Variants in PSEN1 observed in about 807,000 individuals in gnomAD.
The protein encoded by PSEN1 is presenilin 1.
PSEN1 carries 15 observed loss-of-function variants against 53.5 expected under a neutral mutation model. The ratio of observed to expected loss-of-function variants is 0.28; its 90% CI spans 0.19 to 0.43. The LOEUF (loss-of-function observed/expected upper bound fraction) is 0.43, where lower values mean the gene tolerates loss of function less well. PSEN1 is among the 20% of genes least tolerant of loss of function. The pLI, the probability that PSEN1 is intolerant of heterozygous loss-of-function variation, is 1.00. For synonymous variants in PSEN1, 208 were observed against 209.8 expected (o/e 0.99, Z 0.08); for missense variants, 387 against 571.2 (o/e 0.68, Z 3.29).
chr14:73,166,049 AAATAAT>A (rs34006824), intron 3 of PSEN1, among the ~76,000 whole-genome samples: 20 of 149,220 alleles, frequency 1.3e-4, no homozygotes, highest in African/African-American at 2.9e-4. Context: ...TCTGTCTCCA[AAATAAT>A]AATAATAATA....
rs1187741177 is a variant in PSEN1 at position 73,156,781 on chromosome 14, GCCT to G, written c.87+8678_87+8680del. Among the ~76,000 whole-genome samples the G allele has an allele frequency of 6.6e-5, 10 of 151,952 alleles. No homozygotes were observed. The East Asian group carries it at 1.9e-3, about 30-fold the overall frequency. ...AGGTTCACGCCATTCTCCTGCCTCAGCCTCCAGAGTAGCTGCGACTACAGGCGT... is the reference window on the plus strand; with the variant it reads ...AGGTTCACGCCATTCTCCTGCCTCAGCCAGAGTAGCTGCGACTACAGGCGT... On this transcript the variant is annotated intron_variant, in intron 3 of 11. Transcript: ENST00000324501.
intron 3 of PSEN1, among the ~76,000 whole-genome samples, chr14:73,151,631 C>T (rs1399022593): frequency 9.2e-5 from 14 of 152,012 alleles, no homozygotes; most frequent in Admixed American, 8.5e-4. Flanking sequence ...TCTAAACTCA[C>T]TGCAACCTCG....
chr14:73,141,635 A>G (rs1384690627), intron 1 of PSEN1, among the ~76,000 whole-genome samples: 2 of 152,078 alleles, frequency 1.3e-5, no homozygotes, highest in African/African-American at 2.4e-5. Flanking sequence ...AAATACAAAA[A>G]TTAGCTGGGC....
chr14:73,179,344 T>C (rs1898135838), intron 5 of PSEN1, among the ~76,000 whole-genome samples: 1 of 152,078 alleles, frequency 6.6e-6, no homozygotes, highest in African/African-American at 2.4e-5. Context: ...ATGCCGGGTG[T>C]GGTGGCTCAC....
At chr14:73,161,921 G>A (rs1897551647) in intron 3 of PSEN1, among the ~76,000 whole-genome samples, 6 of 150,720 alleles carry the variant, frequency 4.0e-5, no homozygotes, top group Non-Finnish European at 8.8e-5. Context: ...TTGGGAGGCT[G>A]AGGCGGGCGG....
intron 7 of PSEN1, among the ~76,000 whole-genome samples, chr14:73,195,917 A>T (rs1898921487): frequency 6.6e-6 from 1 of 152,216 alleles, no homozygotes; most frequent in Non-Finnish European, 1.5e-5. Flanking sequence ...TTATTTGCCT[A>T]AGCCTAAACT....
intron 11 of PSEN1, among the ~76,000 whole-genome samples, chr14:73,218,028 T>C (rs1055086572): frequency 6.6e-6 from 1 of 151,404 alleles, no homozygotes; most frequent in African/African-American, 2.4e-5. Context: ...CCTCAAGTGA[T>C]GTGCCTGCCT....
intron 7 of PSEN1, among the ~76,000 whole-genome samples, chr14:73,197,315 G>A (rs946325573): frequency 9.9e-5 from 15 of 152,180 alleles, no homozygotes; most frequent in African/African-American, 2.9e-4. Context: ...GGAATAACAG[G>A]CATGTTGTTT....
chr14:73,157,674 C>A (rs540119262), intron 3 of PSEN1, among the ~76,000 whole-genome samples: 1 of 151,982 alleles, frequency 6.6e-6, no homozygotes, highest in Non-Finnish European at 1.5e-5. Flanking sequence ...TGTCACCGCG[C>A]GCAGCCATTT....
At chr14:73,175,196 G>T (rs1387907389) in intron 5 of PSEN1, among the ~76,000 whole-genome samples, 1 of 152,040 alleles carries the variant, frequency 6.6e-6, no homozygotes, top group East Asian at 1.9e-4. Context: ...GCGCGATCTT[G>T]GCTCACTGCA....
chr14:73,196,745 AATT>A (rs1898962822), intron 7 of PSEN1, among the ~76,000 whole-genome samples: 1 of 151,882 alleles, frequency 6.6e-6, no homozygotes, highest in South Asian at 2.1e-4. Flanking sequence ...AAAGTGCTGG[AATT>A]ACAAGCATAA....
At chr14:73,197,160 C>A (rs1013583279) in intron 7 of PSEN1, among the ~76,000 whole-genome samples, 1 of 152,078 alleles carries the variant, frequency 6.6e-6, no homozygotes, top group Non-Finnish European at 1.5e-5. Flanking sequence ...GTCTTGATCT[C>A]CTGACCTTGT....
intron 3 of PSEN1, among the ~76,000 whole-genome samples, chr14:73,154,206 T>C (rs1331876091): frequency 1.3e-5 from 2 of 152,172 alleles, no homozygotes; most frequent in Non-Finnish European, 2.9e-5. Flanking sequence ...CCTGTGTGTA[T>C]ATATTGAAAA....
Position 73,192,913 on chromosome 14 carries a change from A to C in PSEN1, c.769+49A>C, listed in dbSNP as rs769318960. On this transcript the variant is annotated intron_variant, in intron 7 of 11. Coordinates refer to ENST00000324501, the MANE Select transcript of PSEN1 (RefSeq NM_000021.4). ...GTTTGTCACAGGAATGCCCCACTGG[A>C]GTGTTTTCTTTCCTCATCTCTTTAT... 1.9e-5 allele frequency: 27 copies of C among 1,408,394 alleles called. No homozygotes were observed. The East Asian group carries it at 4.6e-4, about 24-fold the overall frequency. The allele number at this position is 1,408,394 out of a possible 1,614,324, so 87.2% of individuals were successfully genotyped here.
chr14:73,216,758 C>CAAA (rs58497887), intron 10 of PSEN1, among the ~76,000 whole-genome samples: 3 of 130,674 alleles, frequency 2.3e-5, no homozygotes, highest in African/African-American at 8.4e-5. Flanking sequence ...AACTCCATCT[C>CAAA]AAAAAAAAAA....
chr14:73,219,239 C>G lies in PSEN1; in HGVS notation c.1354C>G (p.Leu452Val), dbSNP rs1372132329. The G allele has an allele frequency of 6.2e-7, 1 of 1,613,668 alleles. No homozygotes were observed. Among genetic ancestry groups the G allele is most frequent in the African/African-American group, 1.3e-5 (1 of 74,936 alleles). The change falls in exon 12 of 12, where the codon CTT becomes GTT. Residue 452 changes from leucine (L) to valine (V), a missense_variant. Around this residue, in one of 4 missense-constraint regions of PSEN1, gnomAD observed 44 missense variants for 106.3 expected, o/e 0.41. Transcript: ENST00000324501. Reference protein sequence around the residue: ...GLVFYFATDYLVQPFMDQLAF... With the variant: ...GLVFYFATDYVVQPFMDQLAF... ...TGTTTTCTACTTTGCCACAGATTAT[C>G]TTGTACAGCCTTTTATGGACCAATT...
At chr14:73,174,126 C>T (rs1222983912) in intron 5 of PSEN1, 1 of 216,736 alleles carries the variant, frequency 4.6e-6, no homozygotes, top group Admixed American at 5.4e-5. Context: ...GATTTCAATG[C>T]CTTTTTAGGC....
chr14:73,199,898 A>C (rs1899109030), intron 8 of PSEN1, among the ~76,000 whole-genome samples: 1 of 152,148 alleles, frequency 6.6e-6, no homozygotes, highest in South Asian at 2.1e-4. Flanking sequence ...GGCGTGTGCC[A>C]CCACACCCAG....
chr14:73,211,627 A>G (rs1899683649), intron 9 of PSEN1, 142 bp from the exon 10 acceptor site: 3 of 813,134 alleles, frequency 3.7e-6, no homozygotes, highest in South Asian at 1.6e-5. Flanking sequence ...ATAAACTACC[A>G]GCAGGCACTG....
Sources: allele counts gnomAD v4.1 joint callset (sites outside exome capture counted in the v4.1 genomes callset), GRCh38; gene constraint gnomAD v4.1.1; regional missense constraint gnomAD v4.1.1; transcripts MANE v1.5; gene names NCBI Gene and HGNC (gene_info 2026-07-23, HGNC 2026-07-21).